HDLBP: variants seen among roughly 807,000 people sequenced by gnomAD.
HDLBP encodes high density lipoprotein binding protein.
In HDLBP, 30 loss-of-function variants were observed where a neutral mutation model predicts 137.3. That is an observed-to-expected ratio of 0.22 (90% CI 0.16 to 0.30). The LOEUF (loss-of-function observed/expected upper bound fraction) is 0.30. Among genes scored for constraint, HDLBP ranks in the 10% least tolerant of loss-of-function variants. The pLI is 1.00. For synonymous variants in HDLBP, 606 were observed against 596.0 expected, an observed-to-expected ratio of 1.02 and a Z score of -0.24; for missense variants, 1,119 against 1,667.3, an observed-to-expected ratio of 0.67 and a Z score of 5.73.
chr2:241,250,165 A>T (rs1247380215), intron 11 of HDLBP, 185 bp from the exon 12 acceptor site: 2 of 537,792 alleles, frequency 3.7e-6, no homozygotes, highest in East Asian at 6.6e-5. Context: ...TATGATCTTC[A>T]CCTGGATCAC....
intron 1 of HDLBP, chr2:241,315,264 G>A: frequency 6.6e-6 from 1 of 151,842 alleles, no homozygotes; most frequent in Non-Finnish European, 1.5e-5. Flanking sequence ...TGACGTGCGC[G>A]CAGCCAATCC....
intron 17 of HDLBP, among the ~76,000 whole-genome samples, chr2:241,241,771 C>T (rs968164844): frequency 3.3e-5 from 5 of 151,778 alleles, no homozygotes; most frequent in East Asian, 1.9e-4. Flanking sequence ...TCTGTTAAGT[C>T]GAACATAAAA....
At chr2:241,262,516 TC>T (rs201549720) in intron 5 of HDLBP, among the ~76,000 whole-genome samples, 194 bp downstream of exon 5, 1,796 of 152,314 alleles carry the variant, frequency 0.012, 17 homozygotes, top group South Asian at 0.021. Context: ...ATGGTAAGTG[TC>T]CCAGTTCTAT....
chr2:241,284,069 G>A (rs2074714742), intron 1 of HDLBP, among the ~76,000 whole-genome samples: 1 of 152,144 alleles, frequency 6.6e-6, no homozygotes, highest in Non-Finnish European at 1.5e-5. Flanking sequence ...CTGCTGATTG[G>A]CAAAGCATCT....
intron 5 of HDLBP, among the ~76,000 whole-genome samples, chr2:241,258,584 A>G (rs908592551): frequency 1.3e-5 from 2 of 152,174 alleles, no homozygotes; most frequent in African/African-American, 4.8e-5. Flanking sequence ...GTGAAACTCA[A>G]TCAGTGCCTC....
intron 12 of HDLBP, 116 bp from the exon 13 acceptor site, chr2:241,248,464 G>A: frequency 2.4e-6 from 2 of 833,202 alleles, no homozygotes; most frequent in Non-Finnish European, 2.0e-6. Context: ...CAGGTGAGGT[G>A]GTCTCCAGGT....
intron 1 of HDLBP, among the ~76,000 whole-genome samples, chr2:241,298,878 T>C (rs1219473763): frequency 6.6e-6 from 1 of 152,204 alleles, no homozygotes; most frequent in Non-Finnish European, 1.5e-5. Flanking sequence ...AGTGTCAAGC[T>C]CAGGCAGAGG....
In HDLBP at chr2:241,272,307, G is replaced by A. The variant is rs1438217509; in HGVS notation, c.-102-3766C>T. The stretch of plus-strand genomic sequence containing the variant: ...AGGGACCCCCACCCTGGCCGCACAC[G>A]GCGCCCCCGCCGGAGCGGGGGAGGG... On this transcript the variant is annotated intron_variant, in intron 1 of 27. Coordinates refer to ENST00000310931, the MANE Select transcript of HDLBP (RefSeq NM_005336.6). This position sits in a 1 kb window ranked among gnomAD's most constrained non-coding sequence, Gnocchi z 5.6. The A allele has an allele frequency of 2.0e-6, 2 of 982,602 alleles. No individual in the cohort carries two copies. The highest frequency in any genetic ancestry group is 1.8e-5 in the African/African-American group (1 of 57,054). The allele number at this position is 982,602 out of a possible 1,614,324, so 60.9% of individuals were successfully genotyped here. A position where few individuals can be genotyped will look rare whatever the true frequency, so the allele number is the denominator to read the frequency against.
chr2:241,314,019 A>G (rs2075872354), intron 1 of HDLBP, among the ~76,000 whole-genome samples: 3 of 152,206 alleles, frequency 2.0e-5, no homozygotes, highest in African/African-American at 7.2e-5. Context: ...GAATTATTTA[A>G]TGGGGTTTCA....
chr2:241,313,218 T>C (rs1337071122), intron 1 of HDLBP, among the ~76,000 whole-genome samples: 1 of 152,218 alleles, frequency 6.6e-6, no homozygotes, highest in Non-Finnish European at 1.5e-5. Flanking sequence ...ATTACTCTTC[T>C]ACAAATAAGT....
intron 1 of HDLBP, among the ~76,000 whole-genome samples, chr2:241,300,335 CT>C (rs2075349825): frequency 6.6e-6 from 1 of 152,168 alleles, no homozygotes; most frequent in Non-Finnish European, 1.5e-5. Context: ...AACTCAGACA[CT>C]AGGCAAATCG....
In HDLBP at chr2:241,229,029, C is replaced by T. The variant is rs543138653; in HGVS notation, c.*572G>A. 1 of 155,306 alleles carries T rather than the reference C, an allele frequency of 6.4e-6. No homozygotes were observed. The highest frequency in any genetic ancestry group is 1.4e-5 in the Non-Finnish European group (1 of 70,202). 9.6% of individuals were successfully genotyped at this position (155,306 alleles called of 1,614,324 possible). A position where few individuals can be genotyped will look rare whatever the true frequency, so the allele number is the denominator to read the frequency against. On this transcript the variant is annotated 3_prime_UTR_variant, in exon 28 of 28. Transcript: ENST00000310931. ...CCTGAGAACCCGTCACCCTCTGCCT[C>T]TCAGGTCACCCCCCAGCTCCAGGAA...
intron 24 of HDLBP, among the ~76,000 whole-genome samples, chr2:241,231,617 T>TCTGGAGGCATCTTTGTG (rs1280709557): frequency 2.0e-5 from 3 of 152,190 alleles, no homozygotes; most frequent in African/African-American, 7.2e-5. Context: ...TGGGCCACAG[T>TCTGGAGGCATCTTTGTG]CTGGAGGCAT....
At chr2:241,290,619 A>G (rs372259997) in intron 1 of HDLBP, among the ~76,000 whole-genome samples, 104 of 152,044 alleles carry the variant, frequency 6.8e-4, no homozygotes, top group Middle Eastern at 3.4e-3. Flanking sequence ...TCAAAGGAAA[A>G]AAAAAAAAAT....
In HDLBP at chr2:241,236,683, T is replaced by A. The variant is rs1449381216; in HGVS notation, c.2836A>T (p.Arg946Trp). The A allele has an allele frequency of 1.2e-6, 2 of 1,614,136 alleles. No homozygotes were observed. The highest frequency in any genetic ancestry group is 1.7e-6 in the Non-Finnish European group (2 of 1,180,008). ...GAGATGATGATGATGTCACACCTCCTTGGAGAGCCGGGGTCACAATCTTTA... is the reference window on the plus strand; with the variant it reads ...GAGATGATGATGATGTCACACCTCCATGGAGAGCCGGGGTCACAATCTTTA... ...EAKDCDPGSP[R>W]RCDIIIISGR... Residue 946 changes from arginine (R) to tryptophan (W), a missense_variant, in exon 21 of 28, where the codon AGG becomes TGG. Transcript: ENST00000310931.
intron 1 of HDLBP, chr2:241,270,856 G>A (rs910376550): frequency 1.1e-5 from 6 of 543,238 alleles, no homozygotes; most frequent in Non-Finnish European, 1.4e-5. Flanking sequence ...GGCAGGCCTA[G>A]ATACCCAAGA....
chr2:241,273,217 C>T (rs569494591), intron 1 of HDLBP: 2 of 985,432 alleles, frequency 2.0e-6, no homozygotes, highest in East Asian at 2.3e-4. Context: ...GCCACACTGG[C>T]ACGAGGTCCT....
Position 241,228,706 on chromosome 2 carries a change from C to G in HDLBP, c.*895G>C, listed in dbSNP as rs928798097. On this transcript the variant is annotated 3_prime_UTR_variant, in exon 28 of 28. Coordinates refer to ENST00000310931, the MANE Select transcript of HDLBP (RefSeq NM_005336.6). ...GCCGGCTGAGGTAGAAAGAAGGCAA[C>G]TGAACACACAGCAGCTAGGGCAGGG... 6.5e-5 allele frequency: 10 copies of G among 153,050 alleles called. No individual in the cohort carries two copies. The highest frequency in any genetic ancestry group is 2.2e-4 in the African/African-American group (9 of 41,580). 9.5% of individuals were successfully genotyped at this position (153,050 alleles called of 1,614,324 possible). A position where few individuals can be genotyped will look rare whatever the true frequency, so the allele number is the denominator to read the frequency against.
chr2:241,287,863 A>G (rs1282253847), intron 1 of HDLBP, among the ~76,000 whole-genome samples: 5 of 152,236 alleles, frequency 3.3e-5, no homozygotes. Flanking sequence ...GTCCTCAACA[A>G]GCATCAACAT....
Sources: gnomAD v4.1 joint callset for allele counts (sites outside exome capture counted in the v4.1 genomes callset) on GRCh38, gnomAD v4.1.1 for gene constraint, Gnocchi (gnomAD v3.1) non-coding constraint, MANE v1.5 for transcripts, NCBI Gene and HGNC (gene_info 2026-07-23, HGNC 2026-07-21) for gene names.